NXPH1: variants seen among roughly 807,000 people sequenced by gnomAD.
The protein encoded by NXPH1 is neurexophilin 1.
A neutral mutation model predicts 23.7 loss-of-function variants in NXPH1; 5 were observed. The observed-to-expected ratio is 0.21, with a 90% CI of 0.11 to 0.44. The LOEUF is 0.44. Ranked by LOEUF, NXPH1 falls within the 20% of genes least tolerant of loss-of-function variation. NXPH1 has a pLI of 0.99. For missense variants in NXPH1, 324 were observed against 321.6 expected (o/e 1.01, Z -0.06); for synonymous variants, 144 against 122.2 (o/e 1.18, Z -1.18).
chr7:8,684,529 C>T (rs992465102), intron 2 of NXPH1, among the ~76,000 whole-genome samples: 6 of 152,170 alleles, frequency 3.9e-5, no homozygotes, highest in African/African-American at 1.2e-4. Flanking sequence ...AAATGCACGT[C>T]TCCTGATACT....
chr7:8,634,870 A>G (rs894088610), intron 2 of NXPH1, among the ~76,000 whole-genome samples: 3 of 152,078 alleles, frequency 2.0e-5, no homozygotes, highest in Non-Finnish European at 4.4e-5. Context: ...GAACTCCAGA[A>G]TTCAGATGTT....
At chr7:8,674,047 T>C (rs566449136) in intron 2 of NXPH1, among the ~76,000 whole-genome samples, 2 of 152,200 alleles carry the variant, frequency 1.3e-5, no homozygotes, top group South Asian at 4.1e-4. Context: ...TAAGATACAG[T>C]ATTGGAGTTG....
intron 2 of NXPH1, among the ~76,000 whole-genome samples, chr7:8,616,112 G>T (rs1337508644): frequency 6.6e-6 from 1 of 151,920 alleles, no homozygotes; most frequent in Non-Finnish European, 1.5e-5. Context: ...TTCTTATTTT[G>T]TTTTATAGAC....
chr7:8,749,904 G>A (rs1439927116), intron 2 of NXPH1, among the ~76,000 whole-genome samples: 1 of 152,132 alleles, frequency 6.6e-6, no homozygotes, highest in Non-Finnish European at 1.5e-5. Flanking sequence ...CTACAGGCCA[G>A]TGTGGTCATT....
intron 2 of NXPH1, among the ~76,000 whole-genome samples, chr7:8,502,520 C>T (rs1466604719): frequency 6.6e-6 from 1 of 151,718 alleles, no homozygotes; most frequent in East Asian, 1.9e-4. Flanking sequence ...AGAAACCACA[C>T]AGTAATTTGA....
In NXPH1 at chr7:8,595,561, T is replaced by C. The variant is rs894561736; in HGVS notation, c.55-155447T>C. Among the ~76,000 whole-genome samples the C allele has an allele frequency of 8.5e-5, 13 of 152,224 alleles. No homozygotes were observed. The South Asian group carries it at 1.7e-3, about 19-fold the overall frequency. On this transcript the variant is annotated intron_variant, in intron 2 of 2. Coordinates refer to ENST00000405863, the MANE Select transcript of NXPH1 (RefSeq NM_152745.3). ...TATGAATTAGTCATTGGATACATAA[T>C]ATTGATTTAATCTGCTAGGCATTTG...
intron 2 of NXPH1, among the ~76,000 whole-genome samples, chr7:8,505,189 T>A (rs1478969274): frequency 6.6e-6 from 1 of 152,094 alleles, no homozygotes; most frequent in African/African-American, 2.4e-5. Flanking sequence ...TCTGACCTAC[T>A]GCTGGCTTGA....
intron 2 of NXPH1, among the ~76,000 whole-genome samples, chr7:8,618,130 TG>T (rs1210115614): frequency 6.6e-6 from 1 of 152,186 alleles, no homozygotes; most frequent in East Asian, 1.9e-4. Flanking sequence ...TTATGATTTC[TG>T]TCCAACCTAC....
chr7:8,633,756 C>T (rs1017103340), intron 2 of NXPH1, among the ~76,000 whole-genome samples: 5 of 152,172 alleles, frequency 3.3e-5, no homozygotes, highest in Non-Finnish European at 7.4e-5. Context: ...CATGAGCTGA[C>T]AACAATGCAT....
chr7:8,461,954 A>T (rs1378594849), intron 2 of NXPH1, among the ~76,000 whole-genome samples: 2 of 152,204 alleles, frequency 1.3e-5, no homozygotes, highest in African/African-American at 2.4e-5. Context: ...TATATGTAGT[A>T]TATTATTTTT....
chr7:8,556,959 G>T (rs958728824), intron 2 of NXPH1, among the ~76,000 whole-genome samples: 3 of 151,714 alleles, frequency 2.0e-5, no homozygotes, highest in African/African-American at 7.2e-5. Context: ...ATGAGGTAAT[G>T]TACCTTGCTC....
intron 2 of NXPH1, among the ~76,000 whole-genome samples, chr7:8,614,064 T>C (rs1819678149): frequency 6.6e-6 from 1 of 151,928 alleles, no homozygotes; most frequent in Admixed American, 6.6e-5. Context: ...TTTACTTTAA[T>C]AGTATAGTGT....
chr7:8,561,871 A>G (rs1818451123), intron 2 of NXPH1, among the ~76,000 whole-genome samples: 1 of 151,746 alleles, frequency 6.6e-6, no homozygotes, highest in African/African-American at 2.4e-5. Context: ...GCTGAGAAAC[A>G]AAAGAACAAA....
At chr7:8,533,137 A>T (rs1259947511) in intron 2 of NXPH1, among the ~76,000 whole-genome samples, 1 of 152,198 alleles carries the variant, frequency 6.6e-6, no homozygotes, top group Non-Finnish European at 1.5e-5. Context: ...CATTGAGGTG[A>T]TAGAGCAAAG....
intron 2 of NXPH1, among the ~76,000 whole-genome samples, chr7:8,466,821 C>T (rs540612862): frequency 3.9e-5 from 6 of 152,222 alleles, no homozygotes; most frequent in African/African-American, 1.4e-4. Flanking sequence ...TCCCACCCTG[C>T]CCAGCTCCAT....
Position 8,743,763 on chromosome 7 carries a change from A to C in NXPH1, c.55-7245A>C, listed in dbSNP as rs112519637. ...CAGTGGCGTGATCTTGGTTCACTGC[A>C]AGCTCCGCCTCCCGAGTTCATGCTG... On this transcript the variant is annotated intron_variant, in intron 2 of 2. Coordinates refer to ENST00000405863, the MANE Select transcript of NXPH1 (RefSeq NM_152745.3). Among the ~76,000 whole-genome samples, 1,332 of 150,522 alleles carry C rather than the reference A, an allele frequency of 8.8e-3. 6 individuals are homozygous for C. The highest frequency in any genetic ancestry group is 0.013 in the Non-Finnish European group (903 of 67,738).
intron 2 of NXPH1, among the ~76,000 whole-genome samples, chr7:8,677,213 G>A (rs114871394): frequency 0.016 from 2,383 of 152,238 alleles, 61 homozygotes; most frequent in African/African-American, 0.054. Flanking sequence ...CCCATGCTAT[G>A]TTTAACCAGG....
intron 2 of NXPH1, among the ~76,000 whole-genome samples, chr7:8,662,235 A>G (rs1464766718): frequency 6.6e-6 from 1 of 151,844 alleles, no homozygotes; most frequent in East Asian, 1.9e-4. Flanking sequence ...GAAGAGATGG[A>G]TAGTTGTATA....
At chr7:8,556,618 C>A (rs949548502) in intron 2 of NXPH1, among the ~76,000 whole-genome samples, 2 of 151,710 alleles carry the variant, frequency 1.3e-5, no homozygotes, top group Non-Finnish European at 3.0e-5. Flanking sequence ...AACATTACAT[C>A]ATCAGAAACA....
Sources: gnomAD v4.1 joint callset for allele counts (sites outside exome capture counted in the v4.1 genomes callset) on GRCh38, gnomAD v4.1.1 for gene constraint, MANE v1.5 for transcripts, NCBI Gene and HGNC (gene_info 2026-07-23, HGNC 2026-07-21) for gene names.